Variants in SRRM3 observed in about 807,000 individuals in gnomAD.
SRRM3 encodes the protein serine/arginine repetitive matrix protein 3.
A neutral mutation model predicts 66.2 loss-of-function variants in SRRM3; 27 were observed. The ratio of observed to expected loss-of-function variants is 0.41; its 90% CI spans 0.30 to 0.56. The LOEUF (loss-of-function observed/expected upper bound fraction) is 0.56, where lower values mean the gene tolerates loss of function less well. SRRM3 is among the 20% of genes least tolerant of loss of function. The pLI, the probability that SRRM3 is intolerant of heterozygous loss-of-function variation, is 0.32. For synonymous variants in SRRM3, 391 were observed against 414.9 expected (o/e 0.94, Z 0.70); for missense variants, 918 against 991.9 (o/e 0.93, Z 1.00).
At chr7:76,247,052 C>T (rs1459400601) in intron 2 of SRRM3, among the ~76,000 whole-genome samples, 2 of 152,194 alleles carry the variant, frequency 1.3e-5, no homozygotes, top group Non-Finnish European at 2.9e-5. Context: ...GATCAAAGAC[C>T]TCCAGGGGCA....
In SRRM3 at chr7:76,285,918, AG is replaced by A. The variant is rs1802658188; in HGVS notation, c.*80del. The A allele has an allele frequency of 7.0e-7, 1 of 1,430,342 alleles. No individual in the cohort carries two copies. Among genetic ancestry groups the A allele is most frequent in the Non-Finnish European group, 9.4e-7 (1 of 1,062,212 alleles). The allele number at this position is 1,430,342 out of a possible 1,614,324, so 88.6% of individuals were successfully genotyped here. On this transcript the variant is annotated 3_prime_UTR_variant, in exon 15 of 15. Transcript: ENST00000611745. The surrounding 1 kb of genome is among the most constrained non-coding windows in gnomAD (Gnocchi z 4.1). ...GGCGGGCCCCAGGACCCCAGTGGGG[AG>A]GGGGCTATATCTCCTTGCCCCCAAG... is the stretch of plus-strand genomic sequence containing the variant.
intron 5 of SRRM3, 91 bp from the exon 6 acceptor site, chr7:76,260,783 C>T: frequency 7.8e-7 from 1 of 1,276,002 alleles, no homozygotes; most frequent in Non-Finnish European, 1.1e-6. Flanking sequence ...TGTCCACCCT[C>T]CCCTGTCCTG....
intron 14 of SRRM3, chr7:76,283,395 G>A (rs1462255287): frequency 1.8e-6 from 1 of 541,492 alleles, no homozygotes; most frequent in African/African-American, 1.9e-5. Context: ...CTCTGTACTT[G>A]GGTCTGGGTG....
intron 10 of SRRM3, among the ~76,000 whole-genome samples, chr7:76,265,673 A>G (rs1801991105): frequency 6.6e-6 from 1 of 150,602 alleles, no homozygotes; most frequent in African/African-American, 2.4e-5. Context: ...GCTTGAGGCC[A>G]GGAGTTCGAG....
intron 2 of SRRM3, among the ~76,000 whole-genome samples, chr7:76,236,287 CA>C (rs1289586717): frequency 7.9e-6 from 1 of 127,070 alleles, no homozygotes; most frequent in African/African-American, 3.0e-5. Context: ...CCAGCCTGGG[CA>C]ACAAGAGCAA....
At chr7:76,237,515 C>T (rs1554605098) in intron 2 of SRRM3, among the ~76,000 whole-genome samples, 1 of 152,224 alleles carries the variant, frequency 6.6e-6, no homozygotes, top group African/African-American at 2.4e-5. Flanking sequence ...GCAGAGGTTG[C>T]AGTGAGCCAA....
Position 76,259,894 on chromosome 7 carries a change from T to C in SRRM3, c.336-12T>C. On this transcript the variant is annotated splice_polypyrimidine_tract_variant and intron_variant, in intron 3 of 14. Transcript: ENST00000611745. ...TCCCGAGACTGGTGGTGAGCGTCCC[T>C]GTCGCCGGCAGTGTGGCGGAGACCC... The C allele has an allele frequency of 6.2e-7, 1 of 1,600,846 alleles. No individual in the cohort carries two copies.
intron 10 of SRRM3, among the ~76,000 whole-genome samples, chr7:76,266,368 A>C (rs1178503078): frequency 9.2e-4 from 106 of 114,726 alleles, no homozygotes; most frequent in African/African-American, 3.4e-3. Flanking sequence ...GTATATTTTC[A>C]TATAAATAAT....
chr7:76,213,007 T>TA (rs1358863479), intron 1 of SRRM3, among the ~76,000 whole-genome samples: 1 of 125,196 alleles, frequency 8.0e-6, no homozygotes, highest in Non-Finnish European at 1.6e-5. Context: ...CCCATTCCTT[T>TA]TTTTTTTTTT....
intron 12 of SRRM3, 63 bp from the exon 13 acceptor site, chr7:76,282,580 AACCCT>A: frequency 2.9e-5 from 5 of 172,290 alleles, no homozygotes; most frequent in African/African-American, 5.8e-5. Context: ...CGCCCCAGGG[AACCCT>A]CCCCGCCCCC....
intron 1 of SRRM3, among the ~76,000 whole-genome samples, chr7:76,225,001 T>C (rs1800820615): frequency 6.6e-6 from 1 of 152,164 alleles, no homozygotes; most frequent in South Asian, 2.1e-4. Context: ...CCAGCCCACC[T>C]TCGCCCCGGT....
At chr7:76,242,560 T>C (rs1554605750) in intron 2 of SRRM3, among the ~76,000 whole-genome samples, 1 of 152,126 alleles carries the variant, frequency 6.6e-6, no homozygotes, top group African/African-American at 2.4e-5. Context: ...TTCAAGCACA[T>C]TGCATTTATT....
intron 1 of SRRM3, among the ~76,000 whole-genome samples, chr7:76,222,010 G>A (rs1372224045): frequency 6.6e-6 from 1 of 152,146 alleles, no homozygotes; most frequent in Admixed American, 6.5e-5. Flanking sequence ...AAGTCACTAC[G>A]CACACATAGT....
intron 1 of SRRM3, among the ~76,000 whole-genome samples, chr7:76,205,777 G>A (rs944194972): frequency 3.3e-5 from 5 of 152,208 alleles, no homozygotes; most frequent in Non-Finnish European, 5.9e-5. Flanking sequence ...CACTGGGCCT[G>A]TCTAAGCCCT....
chr7:76,264,863 C>T (rs1801969376), intron 9 of SRRM3, 48 bp downstream of exon 9: 1 of 1,584,772 alleles, frequency 6.3e-7, no homozygotes, highest in South Asian at 1.1e-5. Flanking sequence ...CTCCCTCCCG[C>T]CCCAGCAAAC....
intron 11 of SRRM3, 59 bp from the exon 12 acceptor site, chr7:76,281,382 T>C (rs1219605665): frequency 1.7e-6 from 2 of 1,150,004 alleles, no homozygotes; most frequent in Non-Finnish European, 2.2e-6. Context: ...TCTCTCTGTC[T>C]CTGTCTCTCT....
chr7:76,247,239 G>A (rs1352396305), intron 2 of SRRM3, among the ~76,000 whole-genome samples: 1 of 152,102 alleles, frequency 6.6e-6, no homozygotes, highest in Non-Finnish European at 1.5e-5. Context: ...GGGAGAGGGA[G>A]GGGAGTAGAG....
chr7:76,268,166 A>C (rs576718924), intron 11 of SRRM3: 1 of 151,980 alleles, frequency 6.6e-6, no homozygotes, highest in South Asian at 2.1e-4. Flanking sequence ...CCTTCCTCCA[A>C]GAGGGGCACA....
chr7:76,264,723 C>T (rs371477459), intron 8 of SRRM3, 42 bp from the exon 9 acceptor site: 2 of 1,610,598 alleles, frequency 1.2e-6, no homozygotes, highest in Non-Finnish European at 1.7e-6. Flanking sequence ...AGGCCACACC[C>T]TCCCCGGGCC....
Sources: allele counts gnomAD v4.1 joint callset (sites outside exome capture counted in the v4.1 genomes callset), GRCh38; gene constraint gnomAD v4.1.1; non-coding constraint Gnocchi (gnomAD v3.1); transcripts MANE v1.5; gene names NCBI Gene and HGNC (gene_info 2026-07-23, HGNC 2026-07-21).